The following CCR3 variants were observed in gnomAD, a reference collection of about 807,000 sequenced individuals.
CCR3 encodes C-C chemokine receptor type 3.
For synonymous variants in CCR3, 203 were observed against 179.2 expected (o/e 1.13, Z -1.06); for missense variants, 419 against 437.5 (o/e 0.96, Z 0.38).
intron 1 of CCR3, among the ~76,000 whole-genome samples, chr3:46,259,345 G>A (rs1309894843): frequency 1.3e-5 from 2 of 152,120 alleles, no homozygotes; most frequent in Non-Finnish European, 2.9e-5. Context: ...GGTTTAAAAT[G>A]CCCCTGAGAA....
At chr3:46,241,846 G>A (rs761007728), upstream of CCR3, among the ~76,000 whole-genome samples, 2 of 152,046 alleles carry the variant, frequency 1.3e-5, no homozygotes, top group Non-Finnish European at 2.9e-5. Flanking sequence ...GTCTCCCGAT[G>A]AGTCAAATCA....
At chr3:46,239,186 G>A (rs143038421), upstream of CCR3, among the ~76,000 whole-genome samples, 43 of 152,236 alleles carry the variant, frequency 2.8e-4, 1 homozygote, top group Middle Eastern at 0.01. Flanking sequence ...ATGCTGTCCC[G>A]TCCTCTTTGT....
Position 46,266,273 on chromosome 3 carries a change from G to C in CCR3, c.*47G>C. The C allele has an allele frequency of 7.3e-6, 9 of 1,234,714 alleles. No individual in the cohort carries two copies. Among genetic ancestry groups the C allele is most frequent in the Non-Finnish European group, 9.3e-6 (8 of 858,686 alleles). The allele number at this position is 1,234,714 out of a possible 1,614,324, so 76.5% of individuals were successfully genotyped here. A position where few individuals can be genotyped will look rare whatever the true frequency, so the allele number is the denominator to read the frequency against. ...AAAGAGGAAGGACCAAGGAGATGAA[G>C]CAAACACATTAAGCCTTCCACACTC... is the stretch of plus-strand genomic sequence containing the variant. On this transcript the variant is annotated 3_prime_UTR_variant, in exon 2 of 2. Coordinates refer to ENST00000395940, the MANE Select transcript of CCR3 (RefSeq NM_178329.3).
intron 1 of CCR3, among the ~76,000 whole-genome samples, chr3:46,255,700 T>A (rs1700408521): frequency 6.6e-6 from 1 of 152,092 alleles, no homozygotes; most frequent in Non-Finnish European, 1.5e-5. Flanking sequence ...AAAATCAGTT[T>A]GCCTTAAGTA....
intron 2 of CCR3, among the ~76,000 whole-genome samples, chr3:46,235,020 C>A (rs1431861054): frequency 6.6e-6 from 1 of 152,234 alleles, no homozygotes; most frequent in Non-Finnish European, 1.5e-5. Flanking sequence ...TCTCTCCACC[C>A]CTCTACTGGA....
rs148674498 is a variant in CCR3 at position 46,231,961 on chromosome 3, T to C, written c.-67-10441T>C. Among the ~76,000 whole-genome samples, 60 of 152,350 alleles carry C rather than the reference T, an allele frequency of 3.9e-4. 1 individual carries two copies. In the Middle Eastern group the frequency reaches 0.01, roughly 26 times the overall value. On this transcript the variant is annotated intron_variant, in intron 2 of 3. Coordinates refer to the CCR3 transcript ENST00000357422. ...ATGGAAATAAGAACTTCACATATTT[T>C]ACTTGGGTAACATTATATGAATTTG...
At chr3:46,247,231 G>A (rs910620345) in intron 1 of CCR3, among the ~76,000 whole-genome samples, 1 of 152,156 alleles carries the variant, frequency 6.6e-6, no homozygotes, top group Non-Finnish European at 1.5e-5. Flanking sequence ...CAAGAGCAGG[G>A]CATGTATGAG....
upstream of CCR3, among the ~76,000 whole-genome samples, chr3:46,239,341 T>G (rs1370334320): frequency 1.3e-5 from 2 of 152,216 alleles, no homozygotes; most frequent in South Asian, 2.1e-4. Context: ...AATACTATAA[T>G]TTGTTGATTT....
chr3:46,246,170 T>C (rs553050606), intron 1 of CCR3, among the ~76,000 whole-genome samples: 2 of 152,318 alleles, frequency 1.3e-5, no homozygotes, highest in African/African-American at 4.8e-5. Flanking sequence ...ATTATTCTAC[T>C]CCATCCTTTC....
At chr3:46,264,533 T>C in intron 1 of CCR3, 1 of 880,248 alleles carries the variant, frequency 1.1e-6, no homozygotes, top group East Asian at 2.8e-5. Flanking sequence ...TGGACATGGA[T>C]AGAGACTAAA....
At chr3:46,216,617 G>A (rs1392311219) in intron 2 of CCR3, among the ~76,000 whole-genome samples, 1 of 152,080 alleles carries the variant, frequency 6.6e-6, no homozygotes, top group Non-Finnish European at 1.5e-5. Flanking sequence ...CTCCTTTATA[G>A]GTAATCTATA....
upstream of CCR3, among the ~76,000 whole-genome samples, chr3:46,239,209 T>A (rs1277321606): frequency 6.6e-6 from 1 of 152,196 alleles, no homozygotes; most frequent in East Asian, 1.9e-4. Flanking sequence ...TTCTCCAAGG[T>A]GTAGAAATGG....
At chr3:46,246,792 A>AT (rs1700199126) in intron 1 of CCR3, among the ~76,000 whole-genome samples, 2 of 152,036 alleles carry the variant, frequency 1.3e-5, no homozygotes, top group Non-Finnish European at 2.9e-5. Context: ...GGTGGCGAAA[A>AT]TTTTTGGAGG....
At chr3:46,246,925 T>C (rs1202675363) in intron 1 of CCR3, among the ~76,000 whole-genome samples, 1 of 151,714 alleles carries the variant, frequency 6.6e-6, no homozygotes. Context: ...GGGGTGATAT[T>C]GTGGGGATGT....
intron 2 of CCR3, among the ~76,000 whole-genome samples, chr3:46,218,060 T>C (rs1699795590): frequency 6.6e-6 from 1 of 151,578 alleles, no homozygotes; most frequent in Non-Finnish European, 1.5e-5. Context: ...GCAAAATCGA[T>C]AGACCATTAG....
chr3:46,229,131 T>C (rs1699934397), intron 2 of CCR3, among the ~76,000 whole-genome samples: 1 of 152,148 alleles, frequency 6.6e-6, no homozygotes, highest in South Asian at 2.1e-4. Flanking sequence ...CAATGGGATA[T>C]AGATAGAAGT....
chr3:46,250,279 A>G (rs554375449), intron 1 of CCR3, among the ~76,000 whole-genome samples: 1 of 152,236 alleles, frequency 6.6e-6, no homozygotes, highest in Non-Finnish European at 1.5e-5. Context: ...GGCGATAAAA[A>G]GATTACAGGG....
intron 2 of CCR3, among the ~76,000 whole-genome samples, chr3:46,232,209 C>T (rs1471137714): frequency 6.6e-6 from 1 of 152,126 alleles, no homozygotes; most frequent in Non-Finnish European, 1.5e-5. Context: ...GAACAAGCAA[C>T]AACACAATCC....
At chr3:46,228,193 A>G (rs555164171) in intron 2 of CCR3, among the ~76,000 whole-genome samples, 1 of 150,264 alleles carries the variant, frequency 6.7e-6, no homozygotes, top group Non-Finnish European at 1.5e-5. Flanking sequence ...AGTCCCACAC[A>G]GCCTTTCCAA....
Sources: allele counts gnomAD v4.1 joint callset (sites outside exome capture counted in the v4.1 genomes callset), GRCh38; gene constraint gnomAD v4.1.1; transcripts MANE v1.5; gene names NCBI Gene and HGNC (gene_info 2026-07-23, HGNC 2026-07-21).